The following KLRG2 variants were observed in gnomAD, a reference collection of about 807,000 sequenced individuals.
KLRG2 encodes the protein killer cell lectin like receptor G2.
A neutral mutation model predicts 35.4 loss-of-function variants in KLRG2; 39 were observed. The observed-to-expected ratio is 1.10, with a 90% CI of 0.85 to 1.44. The LOEUF is 1.44. Ranked by LOEUF, KLRG2 falls within the 40% of genes most tolerant of loss-of-function variation. The pLI is 0.00. For synonymous variants in KLRG2, 283 were observed against 265.8 expected (o/e 1.06, Z -0.63); for missense variants, 632 against 570.9 (o/e 1.11, Z -1.09).
At chr7:139,436,346 C>A in the KLRG2 span, among the ~76,000 whole-genome samples, 14 of 152,164 alleles carry the variant, frequency 9.2e-5, no homozygotes, top group Non-Finnish European at 1.8e-4. Flanking sequence ...GAACCCCCCC[C>A]TTCACACCTC....
At chr7:139,441,293 T>C in the KLRG2 span, among the ~76,000 whole-genome samples, 1 of 151,984 alleles carries the variant, frequency 6.6e-6, no homozygotes, top group Non-Finnish European at 1.5e-5. Context: ...TATGTAGCCA[T>C]AAAAAAGGAT....
At chr7:139,464,457 C>A (rs1293789844) in intron 3 of KLRG2, among the ~76,000 whole-genome samples, 1 of 152,186 alleles carries the variant, frequency 6.6e-6, no homozygotes, top group Non-Finnish European at 1.5e-5. Flanking sequence ...CTATCCACCC[C>A]GTGGTGCCAA....
chr7:139,429,396 T>TTA, the KLRG2 span, among the ~76,000 whole-genome samples: 2 of 151,686 alleles, frequency 1.3e-5, no homozygotes, highest in Admixed American at 6.6e-5. Context: ...CTTTTTTTTT[T>TTA]ATTGATCATT....
chr7:139,464,468 A>G (rs1041476243), intron 3 of KLRG2, among the ~76,000 whole-genome samples: 1 of 151,802 alleles, frequency 6.6e-6, no homozygotes, highest in African/African-American at 2.4e-5. Flanking sequence ...GTGGTGCCAA[A>G]CCCATATACT....
At chr7:139,443,094 C>CTTTTTTTTTTTT in the KLRG2 span, among the ~76,000 whole-genome samples, 1 of 120,584 alleles carries the variant, frequency 8.3e-6, no homozygotes, top group African/African-American at 3.6e-5. Context: ...GGAAAAAAAA[C>CTTTTTTTTTTTT]TTTTTTTTTT....
chr7:139,454,855 TAA>T (rs1796439950), intron 3 of KLRG2, among the ~76,000 whole-genome samples: 2 of 120,670 alleles, frequency 1.7e-5, no homozygotes, highest in South Asian at 2.8e-4. Flanking sequence ...ATAATAATAA[TAA>T]TAATAATAAC....
At chr7:139,466,580 G>A (rs987763532) in intron 3 of KLRG2, among the ~76,000 whole-genome samples, 2 of 151,842 alleles carry the variant, frequency 1.3e-5, no homozygotes, top group Admixed American at 6.6e-5. Context: ...TCTTGTTCCC[G>A]TTCTTATGCC....
At chr7:139,476,126 G>A (rs764103613) in intron 3 of KLRG2, among the ~76,000 whole-genome samples, 2 of 152,186 alleles carry the variant, frequency 1.3e-5, no homozygotes, top group African/African-American at 4.8e-5. Context: ...ATTGAGGCCA[G>A]GCACGGTGGC....
intron 3 of KLRG2, among the ~76,000 whole-genome samples, chr7:139,461,254 A>G (rs1796562307): frequency 6.6e-6 from 1 of 151,966 alleles, no homozygotes; most frequent in African/African-American, 2.4e-5. Context: ...CTAAAAAAAA[A>G]AGAGAGAGAG....
At chr7:139,467,076 T>C (rs978953509) in intron 3 of KLRG2, among the ~76,000 whole-genome samples, 1 of 152,146 alleles carries the variant, frequency 6.6e-6, no homozygotes, top group South Asian at 2.1e-4. Flanking sequence ...CAAATACTCC[T>C]TTTAACAACC....
the KLRG2 span, among the ~76,000 whole-genome samples, chr7:139,430,772 G>T: frequency 2.0e-5 from 3 of 152,158 alleles, no homozygotes; most frequent in Non-Finnish European, 4.4e-5. Context: ...ACTTTGGGAG[G>T]CCGAGGCAGG....
chr7:139,466,224 G>A (rs543273941), intron 3 of KLRG2, among the ~76,000 whole-genome samples: 2 of 152,314 alleles, frequency 1.3e-5, no homozygotes, highest in African/African-American at 4.8e-5. Flanking sequence ...CCCCGGGTCA[G>A]AAAACTAAAA....
At chr7:139,429,030 C>G in the KLRG2 span, among the ~76,000 whole-genome samples, 1 of 152,170 alleles carries the variant, frequency 6.6e-6, no homozygotes, top group Non-Finnish European at 1.5e-5. Context: ...TAAATAATCA[C>G]TTTAGGCCAG....
intron 3 of KLRG2, among the ~76,000 whole-genome samples, chr7:139,471,755 G>A (rs1005655945): frequency 1.3e-5 from 2 of 152,198 alleles, no homozygotes; most frequent in African/African-American, 4.8e-5. Flanking sequence ...GGCAAGAGAC[G>A]TCAGGCACTG....
At chr7:139,449,437 A>T (rs1270701861), downstream of KLRG2, among the ~76,000 whole-genome samples, 1 of 152,056 alleles carries the variant, frequency 6.6e-6, no homozygotes, top group Non-Finnish European at 1.5e-5. Flanking sequence ...TGGGGCACTT[A>T]TAGGACTGGA....
the KLRG2 span, among the ~76,000 whole-genome samples, chr7:139,438,542 C>T: frequency 2.6e-5 from 4 of 151,988 alleles, no homozygotes; most frequent in Admixed American, 6.6e-5. Flanking sequence ...AATGAGATAC[C>T]ACCATACACC....
chr7:139,428,430 A>AT, the KLRG2 span, among the ~76,000 whole-genome samples: 4 of 150,986 alleles, frequency 2.6e-5, no homozygotes, highest in Non-Finnish European at 3.0e-5. Context: ...AATTTTTTAA[A>AT]TTTTTTTTTG....
intron 1 of KLRG2, among the ~76,000 whole-genome samples, chr7:139,482,036 T>C (rs1255855981): frequency 6.6e-6 from 1 of 152,176 alleles, no homozygotes; most frequent in Non-Finnish European, 1.5e-5. Context: ...TCTGTATCTT[T>C]TGTGGGCTCT....
At chr7:139,479,308 C>G (rs950742923) in intron 3 of KLRG2, among the ~76,000 whole-genome samples, 2 of 152,270 alleles carry the variant, frequency 1.3e-5, no homozygotes, top group South Asian at 4.1e-4. Flanking sequence ...GTCTAGAACT[C>G]CTGACCTTGT....
Sources: gnomAD v4.1 joint callset for allele counts (sites outside exome capture counted in the v4.1 genomes callset) on GRCh38, gnomAD v4.1.1 for gene constraint, MANE v1.5 for transcripts, NCBI Gene and HGNC (gene_info 2026-07-23, HGNC 2026-07-21) for gene names.